Variants in AGMO observed in about 807,000 individuals in gnomAD.
The protein encoded by AGMO is glyceryl-ether monooxygenase.
A neutral mutation model predicts 60.2 loss-of-function variants in AGMO; 75 were observed. The ratio of observed to expected loss-of-function variants is 1.25; its 90% confidence interval spans 1.03 to 1.51. AGMO has a LOEUF of 1.51. Among genes scored for constraint, AGMO ranks in the 40% most tolerant of loss-of-function variants. The probability of loss-of-function intolerance (pLI) is 0.00; values close to 1 mark genes in which losing one functional copy is unlikely to be tolerated. For synonymous variants in AGMO, 261 were observed against 177.1 expected (o/e 1.47, Z -3.76); for missense variants, 763 against 525.5 (o/e 1.45, Z -4.42).
intron 12 of AGMO, among the ~76,000 whole-genome samples, chr7:15,361,266 T>G (rs1307659388): frequency 6.7e-6 from 1 of 149,338 alleles, no homozygotes; most frequent in Admixed American, 6.7e-5. Flanking sequence ...TCTGAACATG[T>G]GAACTTAGTT....
intron 12 of AGMO, among the ~76,000 whole-genome samples, chr7:15,212,645 TAAC>T (rs1781627912): frequency 6.6e-6 from 1 of 152,012 alleles, no homozygotes; most frequent in Non-Finnish European, 1.5e-5. Context: ...ACAGCTATCT[TAAC>T]AAGGTTCTTA....
the AGMO span, among the ~76,000 whole-genome samples, chr7:15,187,774 G>A: frequency 6.6e-6 from 1 of 152,100 alleles, no homozygotes; most frequent in South Asian, 2.1e-4. Flanking sequence ...TAGAGGGGAG[G>A]AGAAGAGTCA....
intron 12 of AGMO, among the ~76,000 whole-genome samples, chr7:15,352,535 G>A (rs572918531): frequency 3.9e-4 from 60 of 152,018 alleles, no homozygotes; most frequent in African/African-American, 1.4e-3. Context: ...GTGTTCAGGG[G>A]AGGGGGTGGT....
intron 10 of AGMO, among the ~76,000 whole-genome samples, chr7:15,377,290 G>A (rs1202400699): frequency 6.6e-6 from 1 of 152,068 alleles, no homozygotes; most frequent in African/African-American, 2.4e-5. Context: ...TTTGTGTCAG[G>A]AATGAAGCTG....
chr7:15,362,526 C>G (rs1782806244), intron 12 of AGMO, among the ~76,000 whole-genome samples: 1 of 152,156 alleles, frequency 6.6e-6, no homozygotes, highest in Non-Finnish European at 1.5e-5. Context: ...CTTTGTGGCA[C>G]TTCATTTTTC....
At chr7:15,140,952 T>C in the AGMO span, among the ~76,000 whole-genome samples, 1 of 152,184 alleles carries the variant, frequency 6.6e-6, no homozygotes, top group Non-Finnish European at 1.5e-5. Context: ...TCTTTGACAA[T>C]AGGCTTATAT....
chr7:15,313,396 A>C (rs1276497327), intron 12 of AGMO, among the ~76,000 whole-genome samples: 1 of 152,196 alleles, frequency 6.6e-6, no homozygotes, highest in African/African-American at 2.4e-5. Flanking sequence ...TAAGTGTTCA[A>C]AGATTCTAAA....
At chr7:15,406,228 T>TACACACACACACACACACACAC (rs61400312) in intron 5 of AGMO, among the ~76,000 whole-genome samples, 27 of 136,444 alleles carry the variant, frequency 2.0e-4, no homozygotes, top group African/African-American at 7.7e-4. Context: ...TTGTTTGGAA[T>TACACACACACACACACACACAC]ACACACACAC....
chr7:15,150,348 T>A, the AGMO span, among the ~76,000 whole-genome samples: 4 of 152,018 alleles, frequency 2.6e-5, no homozygotes, highest in Non-Finnish European at 5.9e-5. Context: ...TAAATAGGAA[T>A]GAATGCTGAG....
intron 12 of AGMO, among the ~76,000 whole-genome samples, chr7:15,360,117 T>G (rs1023087741): frequency 2.0e-5 from 3 of 152,238 alleles, no homozygotes; most frequent in Non-Finnish European, 4.4e-5. Context: ...TGTATAATCT[T>G]ATTTAATCCA....
Position 15,394,290 on chromosome 7 carries a change from G to A in AGMO, c.610-111C>T, listed in dbSNP as rs1784278654. 8 of 852,146 alleles carry A rather than the reference G, an allele frequency of 9.4e-6. No homozygotes were observed. The Admixed American group carries it at 1.8e-4, about 20-fold the overall frequency. 52.8% of individuals were successfully genotyped at this position (852,146 alleles called of 1,614,324 possible). A position where few individuals can be genotyped will look rare whatever the true frequency, so the allele number is the denominator to read the frequency against. On this transcript the variant is annotated intron_variant, in intron 5 of 12. Transcript: ENST00000342526. ...AAATTAAGAGATATTGCGAATTTCA[G>A]GGTTGGTATCAGAGAGTGGAAAAAA...
At chr7:15,251,374 T>C (rs532427442) in intron 12 of AGMO, among the ~76,000 whole-genome samples, 1 of 152,214 alleles carries the variant, frequency 6.6e-6, no homozygotes, top group East Asian at 1.9e-4. Flanking sequence ...ACAAGATAAC[T>C]TAATGCAGAA....
intron 12 of AGMO, among the ~76,000 whole-genome samples, chr7:15,232,828 A>ACACACACAC (rs1385058870): frequency 1.1e-3 from 107 of 93,886 alleles, no homozygotes; most frequent in Admixed American, 3.3e-3. Flanking sequence ...CACACACACA[A>ACACACACAC]AAACTAAAGA....
chr7:15,463,607 C>T (rs553615953), intron 3 of AGMO, among the ~76,000 whole-genome samples: 17 of 152,250 alleles, frequency 1.1e-4, no homozygotes, highest in African/African-American at 3.4e-4. Flanking sequence ...AAATAAATTA[C>T]ATAGGGTCCC....
chr7:15,450,244 C>T (rs1781821661), intron 3 of AGMO, among the ~76,000 whole-genome samples: 1 of 151,908 alleles, frequency 6.6e-6, no homozygotes, highest in Non-Finnish European at 1.5e-5. Context: ...CACGGTGAAA[C>T]CCCGTCTCTA....
intron 8 of AGMO, among the ~76,000 whole-genome samples, chr7:15,389,538 TTTC>T (rs1357166579): frequency 1.3e-5 from 2 of 152,152 alleles, no homozygotes; most frequent in African/African-American, 2.4e-5. Context: ...GATAACCACC[TTTC>T]TTCTTTTGGT....
At chr7:15,313,050 G>C (rs951096917) in intron 12 of AGMO, among the ~76,000 whole-genome samples, 1 of 152,090 alleles carries the variant, frequency 6.6e-6, no homozygotes, top group Admixed American at 6.6e-5. Flanking sequence ...TGCAGAGAAA[G>C]ATATTGGAAA....
intron 9 of AGMO, 37 bp downstream of exon 9, chr7:15,387,369 A>C (rs1783958173): frequency 6.2e-7 from 1 of 1,601,462 alleles, no homozygotes. Context: ...AATATGAGAC[A>C]ATCTTCACCA....
chr7:15,532,784 A>G (rs1784401927), intron 3 of AGMO, among the ~76,000 whole-genome samples: 2 of 152,148 alleles, frequency 1.3e-5, no homozygotes, highest in African/African-American at 4.8e-5. Context: ...TAAGCCCAGA[A>G]GTTCAAGAAC....
Sources: allele counts gnomAD v4.1 joint callset (sites outside exome capture counted in the v4.1 genomes callset), GRCh38; gene constraint gnomAD v4.1.1; transcripts MANE v1.5; gene names NCBI Gene and HGNC (gene_info 2026-07-23, HGNC 2026-07-21).